SIRPB1: variants seen among roughly 807,000 people sequenced by gnomAD.
SIRPB1 encodes the protein signal-regulatory protein beta-1.
Under a neutral mutation model 34.1 loss-of-function variants are expected in SIRPB1, and 28 were observed. The observed-to-expected ratio is 0.82, with a 90% CI of 0.61 to 1.12. SIRPB1 has a LOEUF of 1.12. Ranked by LOEUF, SIRPB1 falls within the 50% of genes most tolerant of loss-of-function variation. The probability of loss-of-function intolerance (pLI) is 0.00; values close to 1 mark genes in which losing one functional copy is unlikely to be tolerated. For synonymous variants in SIRPB1, 211 were observed against 203.8 expected, an observed-to-expected ratio of 1.04 and a Z score of -0.30; for missense variants, 499 against 507.0, an observed-to-expected ratio of 0.98 and a Z score of 0.15.
Position 1,566,194 on chromosome 20 carries a change from A to T in SIRPB1, c.1158T>A (p.Gly386=). 1 of 1,612,362 alleles carries T rather than the reference A, an allele frequency of 6.2e-7. No homozygotes were observed. The highest frequency in any genetic ancestry group is 1.1e-5 in the South Asian group (1 of 90,566). Residue 386 remains glycine (G), a synonymous_variant, in exon 5 of 6, where the codon GGT becomes GGA. Transcript: ENST00000381605. ...TCCAGCAGATGTAGATGGCAGAGAC[A>T]CCAACCACCAGTAGCAGCTTGGGGC... ...LLGPKLLLVV[G]VSAIYICWKQ... is the part of the protein sequence containing the mutation.
rs551043326 is a variant in SIRPB1 at position 1,604,839 on chromosome 20, G to A, written c.76+15030C>T. The stretch of plus-strand genomic sequence containing the variant: ...AGATGACTTGAGAGTGAACGTCCTC[G>A]CGGGTCAGCACCACCTTGGCTGTGC... On this transcript the variant is annotated intron_variant, in intron 1 of 5. Transcript: ENST00000381605. 5.0e-5 allele frequency: 31 copies of A among 616,936 alleles called. 12 individuals are homozygous for A. The highest frequency in any genetic ancestry group is 3.7e-4 in the African/African-American group (5 of 13,428). The allele number at this position is 616,936 out of a possible 1,614,324, so 38.2% of individuals were successfully genotyped here. A position where few individuals can be genotyped will look rare whatever the true frequency, so the allele number is the denominator to read the frequency against.
intron 1 of SIRPB1, among the ~76,000 whole-genome samples, chr20:1,619,480 AAG>A (rs1477340251): frequency 6.9e-6 from 1 of 145,014 alleles, no homozygotes; most frequent in East Asian, 1.9e-4. Flanking sequence ...CAGTTTGGTG[AAG>A]AGAGAGGGCT....
chr20:1,568,671 A>C (rs1378777091), intron 4 of SIRPB1, among the ~76,000 whole-genome samples: 1 of 152,222 alleles, frequency 6.6e-6, no homozygotes, highest in Non-Finnish European at 1.5e-5. Context: ...CTATGCCCAA[A>C]TACCAGCCCC....
chr20:1,572,685 C>G (rs1261935429), intron 2 of SIRPB1, among the ~76,000 whole-genome samples: 1 of 151,864 alleles, frequency 6.6e-6, no homozygotes, highest in Non-Finnish European at 1.5e-5. Flanking sequence ...AGAGGTCTCT[C>G]TTTAGGTATT....
intron 2 of SIRPB1, among the ~76,000 whole-genome samples, chr20:1,576,148 G>A (rs2091305756): frequency 6.8e-6 from 1 of 146,746 alleles, no homozygotes; most frequent in African/African-American, 2.5e-5. Flanking sequence ...AGTCACACCT[G>A]AGCCACCACT....
At position 1,582,256 on chromosome 20, in the gene SIRPB1, C is replaced by T. The variant is rs1568694262; in HGVS notation, c.77-3562G>A. ...CAAAAATAATGCTCTTTATGGCCTA[C>T]GCTGTACTCCATTAAAACAACTGAC... On this transcript the variant is annotated intron_variant, in intron 1 of 5. Coordinates refer to ENST00000381605, the MANE Select transcript of SIRPB1 (RefSeq NM_006065.5). Among the ~76,000 whole-genome samples, 5 of 48,782 alleles carry T rather than the reference C, an allele frequency of 1.0e-4. 2 individuals are homozygous for T. Among genetic ancestry groups the T allele is most frequent in the African/African-American group, 4.1e-4 (3 of 7,368 alleles). 32.0% of individuals were successfully genotyped at this position (48,782 alleles called of 152,430 possible).
intron 4 of SIRPB1, among the ~76,000 whole-genome samples, chr20:1,567,514 G>A (rs1196734642): frequency 2.0e-5 from 3 of 152,186 alleles, no homozygotes; most frequent in African/African-American, 7.2e-5. Flanking sequence ...TGCATCCTCA[G>A]GTGGCCTCCC....
intron 4 of SIRPB1, among the ~76,000 whole-genome samples, chr20:1,566,775 G>T (rs979990505): frequency 2.0e-5 from 3 of 152,200 alleles, no homozygotes; most frequent in African/African-American, 7.2e-5. Context: ...GATGGATTCA[G>T]AGTGAGAGAG....
chr20:1,614,742 A>G (rs1260635318), intron 1 of SIRPB1, among the ~76,000 whole-genome samples: 4 of 152,064 alleles, frequency 2.6e-5, no homozygotes, highest in Non-Finnish European at 4.4e-5. Flanking sequence ...AACATTTTCA[A>G]TAGTAATGGC....
intron 2 of SIRPB1, among the ~76,000 whole-genome samples, chr20:1,573,291 C>T (rs1278076147): frequency 1.2e-5 from 1 of 80,144 alleles, no homozygotes; most frequent in African/African-American, 4.7e-5. Context: ...GCTTTTTCAT[C>T]GTTAATTAAT....
At chr20:1,572,378 C>T (rs192851879) in intron 2 of SIRPB1, among the ~76,000 whole-genome samples, 2 of 151,780 alleles carry the variant, frequency 1.3e-5, no homozygotes. Flanking sequence ...TAGCTGTCCT[C>T]CCCCGGAAGG....
In SIRPB1 at chr20:1,562,453, C is replaced by G. The variant is rs1001007838; in HGVS notation, c.*3047G>C. 6.6e-6 allele frequency among the ~76,000 whole-genome samples: 1 copy of G among 152,062 alleles called. No homozygotes were observed. Among genetic ancestry groups the G allele is most frequent in the East Asian group, 1.9e-4 (1 of 5,182 alleles). ...TAATCCTCCCCCACCCCCAACCCCC[C>G]ACGATATAACTGACATTCCATTTGC... On this transcript the variant is annotated 3_prime_UTR_variant, in exon 6 of 6. Transcript: ENST00000381605.
At chr20:1,578,744 G>C in intron 1 of SIRPB1, 50 bp from the exon 2 acceptor site, 2 of 1,432,540 alleles carry the variant, frequency 1.4e-6, no homozygotes, top group African/African-American at 2.8e-5. Flanking sequence ...CTGATTCTCT[G>C]TGTTTCCTCA....
intron 1 of SIRPB1, among the ~76,000 whole-genome samples, chr20:1,617,389 A>G (rs1345389396): frequency 1.3e-5 from 2 of 152,342 alleles, no homozygotes; most frequent in East Asian, 1.9e-4. Context: ...TTCCAACAAT[A>G]TAAATGATCC....
intron 4 of SIRPB1, among the ~76,000 whole-genome samples, chr20:1,569,075 T>C (rs1213533055): frequency 6.6e-6 from 1 of 152,172 alleles, no homozygotes; most frequent in Non-Finnish European, 1.5e-5. Flanking sequence ...CACATAAATA[T>C]GACAACTTAG....
rs982416591 is a variant in SIRPB1 at position 1,578,878 on chromosome 20, G to A, written c.77-184C>T. ...CCTGTGACGTAAGACTGTAATACAA[G>A]CGAGAACACTGAGGCACAGAGAGGT... On this transcript the variant is annotated intron_variant, in intron 1 of 5. Transcript: ENST00000381605. Among the ~76,000 whole-genome samples the A allele has an allele frequency of 5.4e-5, 8 of 148,262 alleles. 1 individual carries two copies. Among genetic ancestry groups the A allele is most frequent in the African/African-American group, 2.0e-4 (8 of 40,808 alleles).
intron 1 of SIRPB1, among the ~76,000 whole-genome samples, chr20:1,618,853 C>A (rs1157857814): frequency 1.3e-5 from 2 of 151,914 alleles, no homozygotes; most frequent in East Asian, 1.9e-4. Context: ...TTTAAGAGAA[C>A]CAAAGGAGGT....
rs2091352411 is a variant in SIRPB1, at chr20:1,578,503, T to C, written c.268A>G (p.Thr90Ala). 6.3e-7 allele frequency: 1 copy of C among 1,583,796 alleles called. No individual in the cohort carries two copies. Among genetic ancestry groups the C allele is most frequent in the African/African-American group, 1.4e-5 (1 of 73,792 alleles). The change falls in exon 2 of 6, where the codon ACA (threonine) becomes GCA (alanine). Residue 90 changes from threonine (T) to alanine (A), a missense_variant. Thr to Ala is a moderately conservative substitution (Grantham distance 58). Coordinates refer to ENST00000381605, the MANE Select transcript of SIRPB1 (RefSeq NM_006065.5). ...NQKEGHFPRV[T>A]TVSELTKRNN... is the part of the protein sequence containing the mutation. ...CTCTTTGTGAGTTCTGAAACAGTTG[T>C]TACCCGTGGGAAGTGGCCTTCTTTC...
rs780877297 is a variant in SIRPB1, at chr20:1,572,025, G to T, written c.446C>A (p.Ala149Asp). The T allele has an allele frequency of 3.1e-6, 5 of 1,613,856 alleles. No individual in the cohort carries two copies. In the East Asian group the frequency reaches 1.1e-4, roughly 36 times the overall value. ...CACCGCAGGGCCCGATACCACGGGG[G>T]CAGAGGGTTTGGCTACAAAAGGACC... ...TELSVRAKPS[A>D]PVVSGPAVRA... The change falls in exon 3 of 6, where the codon GCC becomes GAC. Residue 149 changes from alanine (A) to aspartate (D), a missense_variant. Coordinates refer to ENST00000381605, the MANE Select transcript of SIRPB1 (RefSeq NM_006065.5).
Sources: gnomAD v4.1 joint callset for allele counts (sites outside exome capture counted in the v4.1 genomes callset) on GRCh38, gnomAD v4.1.1 for gene constraint, MANE v1.5 for transcripts, NCBI Gene and HGNC (gene_info 2026-07-23, HGNC 2026-07-21) for gene names.